SLC26A8: variants seen among roughly 807,000 people sequenced by gnomAD.
The protein encoded by SLC26A8 is solute carrier family 26 member 8.
In SLC26A8, 70 loss-of-function variants were observed where a neutral mutation model predicts 105.0. The ratio of observed to expected loss-of-function variants is 0.67; its 90% CI spans 0.55 to 0.81. The LOEUF (loss-of-function observed/expected upper bound fraction) is 0.81. Among genes scored for constraint, SLC26A8 ranks in the 40% least tolerant of loss-of-function variants. The pLI is 0.00. For missense variants in SLC26A8, 998 were observed against 1,181.8 expected, an observed-to-expected ratio of 0.84 and a Z score of 2.28; for synonymous variants, 415 against 438.3, an observed-to-expected ratio of 0.95 and a Z score of 0.66.
At chr6:35,964,880 C>A (rs562675368) in intron 11 of SLC26A8, among the ~76,000 whole-genome samples, 4 of 148,196 alleles carry the variant, frequency 2.7e-5, no homozygotes, top group African/African-American at 9.9e-5. Flanking sequence ...GGTGGGAGAA[C>A]TCCTTGAACC....
At chr6:35,987,990 C>A (rs190450431) in intron 7 of SLC26A8, among the ~76,000 whole-genome samples, 1 of 150,072 alleles carries the variant, frequency 6.7e-6, no homozygotes, top group Non-Finnish European at 1.5e-5. Context: ...TGGCTCACTG[C>A]GACCTCCGCC....
intron 2 of SLC26A8, among the ~76,000 whole-genome samples, chr6:36,019,216 G>T (rs2127376382): frequency 6.6e-6 from 1 of 152,230 alleles, no homozygotes; most frequent in Middle Eastern, 3.4e-3. Flanking sequence ...GTGAGCCATT[G>T]CGTCTTGCTG....
At chr6:36,016,970 G>C (rs1762009808) in intron 2 of SLC26A8, among the ~76,000 whole-genome samples, 1 of 151,768 alleles carries the variant, frequency 6.6e-6, no homozygotes, top group Non-Finnish European at 1.5e-5. Context: ...TCAGGAATTT[G>C]AGACCAGCCT....
chr6:35,959,907 T>A, intron 14 of SLC26A8, 101 bp from the exon 15 acceptor site: 2 of 913,656 alleles, frequency 2.2e-6, no homozygotes, highest in Non-Finnish European at 3.3e-6. Context: ...ATTCTTCTTT[T>A]TTATTTTTTT....
Position 35,993,187 on chromosome 6 carries a change from G to GGGTGC in SLC26A8, c.628-514_628-513insGCACC, listed in dbSNP as rs1488770765. On this transcript the variant is annotated intron_variant, in intron 5 of 19. Transcript: ENST00000490799. ...TTTTTTTTTTTTTTTGATAGAGATT[G>GGGTGC]GAGGGGGGGGTCTTGCTATATTACC... Among the ~76,000 whole-genome samples, 2 of 50,080 alleles carry GGGTGC rather than the reference G, an allele frequency of 4.0e-5. 1 individual carries two copies. The highest frequency in any genetic ancestry group is 1.4e-4 in the African/African-American group (2 of 14,616). The allele number at this position is 50,080 out of a possible 152,430, so 32.9% of individuals were successfully genotyped here.
intron 2 of SLC26A8, among the ~76,000 whole-genome samples, chr6:36,016,900 G>A (rs903498703): frequency 3.3e-5 from 5 of 152,026 alleles, no homozygotes; most frequent in South Asian, 2.1e-4. Context: ...GGCCCAGAGC[G>A]GTGGCTCATG....
rs34783824 is a variant in SLC26A8 at position 35,975,913 on chromosome 6, C to CAAAA, written c.1174-429_1174-426dup. 2.3e-4 allele frequency among the ~76,000 whole-genome samples: 19 copies of CAAAA among 81,048 alleles called. No individual in the cohort carries two copies. The South Asian group carries it at 4.8e-3, about 20-fold the overall frequency. The allele number at this position is 81,048 out of a possible 152,430, so 53.2% of individuals were successfully genotyped here. On this transcript the variant is annotated intron_variant, in intron 9 of 19. Transcript: ENST00000490799. ...GGGCAGCAAGAGCGAAACTCCATCT[C>CAAAA]AAAAAAAAAAAAAAAAAAAAAATTA...
rs1243855505 is a variant in SLC26A8, at chr6:35,985,014, GC to G, written c.943-2812del. On this transcript the variant is annotated intron_variant, in intron 7 of 19. Transcript: ENST00000490799. ...AGCCTGCTACTTGGAGGCTTCATTT[GC>G]ATGACACAGCTTAGGTCTCCACAAC... Among the ~76,000 whole-genome samples, 6 of 152,118 alleles carry G rather than the reference GC, an allele frequency of 3.9e-5. No homozygotes were observed. The East Asian group carries it at 1.2e-3, about 29-fold the overall frequency.
rs186138795 is a variant in SLC26A8, at chr6:35,944,476, G to A, written c.2473-136C>T. 7.3e-4 allele frequency: 380 copies of A among 519,394 alleles called. 2 individuals are homozygous for A. The East Asian group carries it at 0.011, about 15-fold the overall frequency. 32.2% of individuals were successfully genotyped at this position (519,394 alleles called of 1,614,324 possible). A position where few individuals can be genotyped will look rare whatever the true frequency, so the allele number is the denominator to read the frequency against. On this transcript the variant is annotated intron_variant, in intron 19 of 19. Coordinates refer to ENST00000490799, the MANE Select transcript of SLC26A8 (RefSeq NM_052961.4). Reference sequence around the variant, plus strand: ...GCTTTAGACCAGGAGTTCAAGGCCAGCCTGGGCAACATAGTAAAACTTCTA... The same window carrying A: ...GCTTTAGACCAGGAGTTCAAGGCCAACCTGGGCAACATAGTAAAACTTCTA...
intron 2 of SLC26A8, among the ~76,000 whole-genome samples, chr6:36,016,334 T>C (rs1761994814): frequency 6.6e-6 from 1 of 152,144 alleles, no homozygotes; most frequent in South Asian, 2.1e-4. Context: ...AAGGAGTCTG[T>C]AGATAGTATT....
At chr6:36,002,515 C>T (rs765756004) in intron 3 of SLC26A8, among the ~76,000 whole-genome samples, 7 of 152,064 alleles carry the variant, frequency 4.6e-5, no homozygotes, top group Non-Finnish European at 7.4e-5. Context: ...TGCTAGCACT[C>T]GATACTGCTA....
At chr6:35,984,387 A>G (rs948742414) in intron 7 of SLC26A8, among the ~76,000 whole-genome samples, 1 of 144,022 alleles carries the variant, frequency 6.9e-6, no homozygotes, top group Non-Finnish European at 1.5e-5. Context: ...CAGTGGCACA[A>G]TCTTGGCTCA....
In SLC26A8 at chr6:35,968,859, T is replaced by C; in HGVS notation, c.1365+18A>G. 2 of 1,474,548 alleles carry C rather than the reference T, an allele frequency of 1.4e-6. No individual in the cohort carries two copies. The highest frequency in any genetic ancestry group is 1.8e-6 in the Non-Finnish European group (2 of 1,095,204). 91.3% of individuals were successfully genotyped at this position (1,474,548 alleles called of 1,614,324 possible). ...CCCTGGTCGTTGTTGACTTAGTTAT[T>C]TGATCAGTTCTACTTACATTTGGCA... On this transcript the variant is annotated intron_variant, in intron 11 of 19. Coordinates refer to ENST00000490799, the MANE Select transcript of SLC26A8 (RefSeq NM_052961.4).
chr6:35,959,404 G>A, intron 16 of SLC26A8, 56 bp downstream of exon 16: 4 of 1,541,380 alleles, frequency 2.6e-6, no homozygotes, highest in South Asian at 1.3e-5. Context: ...GAAATGACTA[G>A]TGTACTTGTT....
At chr6:36,002,370 C>T (rs1761548845) in intron 3 of SLC26A8, among the ~76,000 whole-genome samples, 1 of 152,098 alleles carries the variant, frequency 6.6e-6, no homozygotes, top group African/African-American at 2.4e-5. Context: ...CATGGATTTA[C>T]AAGTTTCTTG....
intron 9 of SLC26A8, among the ~76,000 whole-genome samples, chr6:35,976,339 G>A (rs915840337): frequency 2.6e-5 from 4 of 151,432 alleles, no homozygotes; most frequent in Admixed American, 6.6e-5. Flanking sequence ...CAGGAGAATC[G>A]CTTGAACCTG....
chr6:36,012,326 A>G lies in SLC26A8; in HGVS notation c.235T>C (p.Phe79Leu). 1 of 1,607,858 alleles carries G rather than the reference A, an allele frequency of 6.2e-7. No individual in the cohort carries two copies. Among genetic ancestry groups the G allele is most frequent in the African/African-American group, 1.3e-5 (1 of 74,660 alleles). Residue 79 changes from phenylalanine to leucine, a missense_variant, in exon 3 of 20, where the codon TTC (phenylalanine) becomes CTC (leucine). Transcript: ENST00000490799. ...FLRCVLTIFP[F>L]LEWMCMYRLK... ...CGATACATACACATCCATTCTAGGA[A>G]GGGAAAGATTGTAAGCACGCATCGT... is the stretch of plus-strand genomic sequence containing the variant.
In SLC26A8 at chr6:35,943,785, A is replaced by C; in HGVS notation, c.*115T>G. ...AAGGCTGGCAGGTAGTAGGAGTCAC[A>C]GTCAGGAAGGAAGTACTGCTAGTTC... On this transcript the variant is annotated 3_prime_UTR_variant, in exon 20 of 20. Coordinates refer to ENST00000490799, the MANE Select transcript of SLC26A8 (RefSeq NM_052961.4). 6.9e-7 allele frequency: 1 copy of C among 1,441,928 alleles called. No individual in the cohort carries two copies. Among genetic ancestry groups the C allele is most frequent in the East Asian group, 2.3e-5 (1 of 42,798 alleles). 89.3% of individuals were successfully genotyped at this position (1,441,928 alleles called of 1,614,324 possible).
At chr6:35,994,086 C>T (rs897341032) in intron 5 of SLC26A8, among the ~76,000 whole-genome samples, 2 of 151,050 alleles carry the variant, frequency 1.3e-5, no homozygotes, top group Admixed American at 6.6e-5. Flanking sequence ...TCAATCAGCC[C>T]GGCACTGTGT....
Sources: allele counts gnomAD v4.1 joint callset (sites outside exome capture counted in the v4.1 genomes callset), GRCh38; gene constraint gnomAD v4.1.1; transcripts MANE v1.5; gene names NCBI Gene and HGNC (gene_info 2026-07-23, HGNC 2026-07-21).